AKAP9: variants seen among roughly 807,000 people sequenced by gnomAD.
AKAP9 encodes A-kinase anchoring protein 9.
In AKAP9, 311 loss-of-function variants were observed where a neutral mutation model predicts 488.5. The observed-to-expected ratio is 0.64, with a 90% CI of 0.58 to 0.70. AKAP9 has a LOEUF of 0.70. Among genes scored for constraint, AKAP9 ranks in the 30% least tolerant of loss-of-function variants. The pLI, the probability that AKAP9 is intolerant of heterozygous loss-of-function variation, is 0.00. For missense variants in AKAP9, 4,215 were observed against 4,374.5 expected (o/e 0.96, Z 1.03); for synonymous variants, 1,462 against 1,483.5 (o/e 0.99, Z 0.33).
Position 92,093,161 on chromosome 7 carries a change from C to A in AKAP9, c.9423C>A (p.Ser3141Arg). Residue 3141 changes from serine (S) to arginine (R), a missense_variant, in exon 39 of 50, where the codon AGC (serine) becomes AGA (arginine). Physicochemically the swap from Ser to Arg is moderately radical, Grantham distance 110 (BLOSUM62 -1). Around this residue, in one of 5 missense-constraint regions of AKAP9, gnomAD observed 1,476 missense variants for 1,477.4 expected, o/e 1.00. Transcript: ENST00000356239. ...TGCTGGAGATGCAAGTGGAGCTCAG[C>A]AGTATGAAAGACAGAGCAACGGAAC... ...SQMLEMQVELSSMKDRATELQ... is the reference protein window; with the variant it reads ...SQMLEMQVELRSMKDRATELQ... 5 of 1,614,120 alleles carry A rather than the reference C, an allele frequency of 3.1e-6. No homozygotes were observed. The highest frequency in any genetic ancestry group is 3.4e-6 in the Non-Finnish European group (4 of 1,180,014).
At chr7:91,994,155 G>T (rs143027535) in intron 5 of AKAP9, among the ~76,000 whole-genome samples, 3 of 152,268 alleles carry the variant, frequency 2.0e-5, no homozygotes, top group Admixed American at 6.5e-5. Context: ...AACGATGTCA[G>T]TGGGTCCTTG....
At chr7:92,044,743 C>A (rs1243793103) in intron 20 of AKAP9, among the ~76,000 whole-genome samples, 3 of 151,704 alleles carry the variant, frequency 2.0e-5, no homozygotes, top group Non-Finnish European at 4.4e-5. Context: ...TTTTTCAAGT[C>A]AATTAAATAC....
intron 44 of AKAP9, 52 bp downstream of exon 44, chr7:92,099,921 T>C: frequency 6.4e-7 from 1 of 1,558,124 alleles, no homozygotes; most frequent in East Asian, 2.2e-5. Context: ...ATGCTTATCA[T>C]TTCTGCTGTC....
At chr7:92,098,381 G>A (rs1816982035) in intron 43 of AKAP9, among the ~76,000 whole-genome samples, 167 bp downstream of exon 43, 1 of 152,016 alleles carries the variant, frequency 6.6e-6, no homozygotes, top group Admixed American at 6.6e-5. Flanking sequence ...CCCAAGAGAA[G>A]ATAATGAAAG....
chr7:91,984,313 G>C (rs977967747), intron 3 of AKAP9, among the ~76,000 whole-genome samples: 1 of 152,186 alleles, frequency 6.6e-6, no homozygotes, highest in Non-Finnish European at 1.5e-5. Flanking sequence ...TGTATAAGGT[G>C]TAAGGAAGGA....
chr7:92,042,226 C>T, intron 19 of AKAP9, 40 bp downstream of exon 19: 1 of 1,611,834 alleles, frequency 6.2e-7, no homozygotes, highest in Non-Finnish European at 8.5e-7. Context: ...AATGGATCAC[C>T]AATTCAGTAG....
At chr7:92,054,910 A>G (rs2130808496) in intron 22 of AKAP9, among the ~76,000 whole-genome samples, 1 of 152,118 alleles carries the variant, frequency 6.6e-6, no homozygotes, top group African/African-American at 2.4e-5. Context: ...CTTATTCAGT[A>G]GTCTCTTTGT....
chr7:91,980,324 C>T lies in AKAP9; in HGVS notation c.342C>T (p.Cys114=), dbSNP rs1176653349. 1 of 1,570,696 alleles carries T rather than the reference C, an allele frequency of 6.4e-7. No homozygotes were observed. The highest frequency in any genetic ancestry group is 2.3e-5 in the East Asian group (1 of 44,218). The part of the protein sequence containing the change: ...ESEISTTADD[C]SSEVNGCSFV... ...AAATTTCAACCACAGCAGATGACTG[C>T]AGTTCAGAGGTAAGACTAAATTATA... The change falls in exon 3 of 50, where the codon TGC becomes TGT. Residue 114 remains cysteine (C), a synonymous_variant. Transcript: ENST00000356239.
At chr7:92,055,256 G>A (rs1161506511) in intron 22 of AKAP9, among the ~76,000 whole-genome samples, 1 of 152,076 alleles carries the variant, frequency 6.6e-6, no homozygotes, top group African/African-American at 2.4e-5. Flanking sequence ...GGATGAAGCA[G>A]TAGTATAAGT....
intron 9 of AKAP9, among the ~76,000 whole-genome samples, chr7:92,013,337 G>A (rs1407674341): frequency 1.3e-5 from 2 of 152,144 alleles, no homozygotes; most frequent in East Asian, 3.9e-4. Context: ...GAATTGAGGT[G>A]TAAGGGTACA....
At chr7:91,998,282 C>T (rs1363925785) in intron 7 of AKAP9, among the ~76,000 whole-genome samples, 1 of 152,084 alleles carries the variant, frequency 6.6e-6, no homozygotes, top group Non-Finnish European at 1.5e-5. Context: ...GGACCCCTTC[C>T]CTACACAACT....
intron 29 of AKAP9, 77 bp from the exon 30 acceptor site, chr7:92,077,619 C>G (rs1033839503): frequency 4.0e-6 from 5 of 1,251,848 alleles, no homozygotes; most frequent in Middle Eastern, 2.0e-4. Flanking sequence ...GTTATAGGCT[C>G]TGATTTCTTT....
rs987432196 is a variant in AKAP9 at position 91,941,019 on chromosome 7, A to C, written c.-81A>C. The stretch of plus-strand genomic sequence containing the variant: ...TCTAGGCCGTGGAGCTTGCCGTCCC[A>C]CCTCCGTCCAAATCGACCTTTCCTT... On this transcript the variant is annotated 5_prime_UTR_variant, in exon 1 of 50. Coordinates refer to ENST00000356239, the MANE Select transcript of AKAP9 (RefSeq NM_005751.5). 2.1e-6 allele frequency: 3 copies of C among 1,424,174 alleles called. No homozygotes were observed. The highest frequency in any genetic ancestry group is 3.0e-6 in the Non-Finnish European group (3 of 1,007,048). The allele number at this position is 1,424,174 out of a possible 1,614,324, so 88.2% of individuals were successfully genotyped here. A position where few individuals can be genotyped will look rare whatever the true frequency, so the allele number is the denominator to read the frequency against.
chr7:91,983,501 G>A (rs978273070), intron 3 of AKAP9, among the ~76,000 whole-genome samples: 3 of 152,080 alleles, frequency 2.0e-5, no homozygotes, highest in Admixed American at 6.6e-5. Context: ...GAATAGTGCC[G>A]CAATAAACAT....
intron 1 of AKAP9, among the ~76,000 whole-genome samples, chr7:91,947,355 C>T (rs1020552086): frequency 7.3e-5 from 11 of 150,618 alleles, no homozygotes; most frequent in African/African-American, 2.7e-4. Flanking sequence ...ATTTTTTTTT[C>T]CCCCCGAGAT....
chr7:92,043,592 G>T (rs938534197), intron 20 of AKAP9, among the ~76,000 whole-genome samples: 2 of 151,610 alleles, frequency 1.3e-5, no homozygotes, highest in Admixed American at 1.3e-4. Context: ...TTCTAGTTCT[G>T]GGGTTTGGGG....
chr7:92,014,187 A>G, intron 9 of AKAP9, 62 bp from the exon 10 acceptor site: 4 of 1,154,358 alleles, frequency 3.5e-6, no homozygotes, highest in Non-Finnish European at 5.2e-6. Context: ...ACATAAGTTA[A>G]ATATGATCAT....
At chr7:91,950,254 G>A (rs1792030684) in intron 1 of AKAP9, among the ~76,000 whole-genome samples, 1 of 133,194 alleles carries the variant, frequency 7.5e-6, no homozygotes, top group Non-Finnish European at 1.6e-5. Context: ...TTTTGAGACA[G>A]AGTCTTGCTC....
chr7:92,088,506 G>T (rs1473379255), intron 37 of AKAP9, among the ~76,000 whole-genome samples: 2 of 152,146 alleles, frequency 1.3e-5, no homozygotes, highest in Non-Finnish European at 2.9e-5. Flanking sequence ...ATATTACTCA[G>T]CAATTAAAAA....
Sources: allele counts gnomAD v4.1 joint callset (sites outside exome capture counted in the v4.1 genomes callset), GRCh38; gene constraint gnomAD v4.1.1; regional missense constraint gnomAD v4.1.1; transcripts MANE v1.5; gene names NCBI Gene and HGNC (gene_info 2026-07-23, HGNC 2026-07-21).